Variants in ADAMTSL1 observed in about 807,000 individuals in gnomAD.
ADAMTSL1 encodes the protein ADAMTS like 1.
ADAMTSL1 carries 126 observed loss-of-function variants against 201.8 expected under a neutral mutation model. That is an observed-to-expected ratio of 0.62 (90% confidence interval 0.54 to 0.72). ADAMTSL1 has a LOEUF of 0.72. ADAMTSL1 is among the 30% of genes least tolerant of loss of function. The pLI, the probability that ADAMTSL1 is intolerant of heterozygous loss-of-function variation, is 0.00. For missense variants in ADAMTSL1, 2,679 were observed against 2,277.8 expected, an observed-to-expected ratio of 1.18 and a Z score of -3.59; for synonymous variants, 1,121 against 903.4, an observed-to-expected ratio of 1.24 and a Z score of -4.32.
intron 22 of ADAMTSL1, among the ~76,000 whole-genome samples, chr9:18,827,349 G>T (rs1318652820): frequency 6.6e-6 from 1 of 151,812 alleles, no homozygotes; most frequent in East Asian, 1.9e-4. Context: ...CTTCCTCAGG[G>T]AAAAATATTT....
intron 3 of ADAMTSL1, among the ~76,000 whole-genome samples, chr9:18,544,481 C>T (rs1820355813): frequency 6.6e-6 from 1 of 151,706 alleles, no homozygotes; most frequent in South Asian, 2.1e-4. Flanking sequence ...ACTTAAAGGG[C>T]CATAGGAGAT....
intron 2 of ADAMTSL1, among the ~76,000 whole-genome samples, chr9:18,527,644 G>A (rs912323026): frequency 6.6e-6 from 1 of 152,122 alleles, no homozygotes; most frequent in South Asian, 2.1e-4. Context: ...AGAAGTGGAA[G>A]TTTAGATGGT....
intron 15 of ADAMTSL1, among the ~76,000 whole-genome samples, chr9:18,734,368 G>A (rs1818391113): frequency 6.6e-6 from 1 of 152,158 alleles, no homozygotes; most frequent in Non-Finnish European, 1.5e-5. Context: ...ATAGAGGAAA[G>A]GGACTGCCCA....
At chr9:18,625,444 A>C (rs1826304470) in intron 5 of ADAMTSL1, among the ~76,000 whole-genome samples, 1 of 152,116 alleles carries the variant, frequency 6.6e-6, no homozygotes, top group Non-Finnish European at 1.5e-5. Context: ...TTATTAAAAG[A>C]CATTACAATT....
At chr9:18,835,991 G>T (rs549522563) in intron 23 of ADAMTSL1, among the ~76,000 whole-genome samples, 42 of 152,256 alleles carry the variant, frequency 2.8e-4, no homozygotes, top group African/African-American at 9.6e-4. Flanking sequence ...CTTTTTGGTA[G>T]AATGATTTAT....
rs542732211 is a variant in ADAMTSL1, at chr9:18,006,357, CTA to C, written c.87+99437_87+99438del. Among the ~76,000 whole-genome samples, 56 of 151,934 alleles carry C rather than the reference CTA, an allele frequency of 3.7e-4. 1 individual carries two copies. The East Asian group carries it at 0.011, about 29-fold the overall frequency. ...TATAGAATTTAATTTTTAGTAATGA[CTA>C]TGTTAAACAGCTCACTAAGTTCCTG... is the stretch of plus-strand genomic sequence containing the variant. On this transcript the variant is annotated intron_variant, in intron 1 of 29. Transcript: ENST00000680146.
At chr9:18,256,292 G>A (rs1815026965) in intron 2 of ADAMTSL1, among the ~76,000 whole-genome samples, 1 of 152,192 alleles carries the variant, frequency 6.6e-6, no homozygotes. Context: ...AGCATGAGAA[G>A]TTTGACAAAG....
intron 2 of ADAMTSL1, among the ~76,000 whole-genome samples, chr9:18,207,017 T>C (rs893583183): frequency 6.6e-6 from 1 of 151,854 alleles, no homozygotes; most frequent in Non-Finnish European, 1.5e-5. Flanking sequence ...ATACAAAAAT[T>C]AGCTGGGCGT....
chr9:18,111,312 C>T (rs1012104618), intron 1 of ADAMTSL1, among the ~76,000 whole-genome samples: 2 of 152,126 alleles, frequency 1.3e-5, no homozygotes, highest in African/African-American at 4.8e-5. Flanking sequence ...AATAACTTTG[C>T]AGTGGGCAAA....
In ADAMTSL1 at chr9:18,899,589, G is replaced by C. The variant is rs534480372; in HGVS notation, c.4852-6193G>C. On this transcript the variant is annotated intron_variant, in intron 26 of 28. Transcript: ENST00000380548. ...ATAGGAGGGTACCGGTATAAGAACA[G>C]ACATATAGACCAATGAAACCGAATA... is the stretch of plus-strand genomic sequence containing the variant. 2.6e-5 allele frequency among the ~76,000 whole-genome samples: 4 copies of C among 152,274 alleles called. 1 individual carries two copies. The highest frequency in any genetic ancestry group is 9.6e-5 in the African/African-American group (4 of 41,540).
intron 1 of ADAMTSL1, among the ~76,000 whole-genome samples, chr9:18,078,800 G>T (rs1004802820): frequency 6.6e-6 from 1 of 152,054 alleles, no homozygotes. Context: ...TTCCCAGTTG[G>T]TTTGTACAAC....
intron 19 of ADAMTSL1, among the ~76,000 whole-genome samples, chr9:18,784,219 A>G (rs1340813734): frequency 6.6e-6 from 1 of 152,278 alleles, no homozygotes. Context: ...CATCATCCAC[A>G]TAGTACCCTA....
intron 2 of ADAMTSL1, among the ~76,000 whole-genome samples, chr9:18,314,821 G>C (rs971563357): frequency 1.1e-5 from 1 of 93,984 alleles, no homozygotes; most frequent in Non-Finnish European, 2.1e-5. Context: ...TTTTGAGACG[G>C]AGTCTTGCTC....
chr9:18,714,819 C>T lies in ADAMTSL1; in HGVS notation c.1877-6717C>T, dbSNP rs531166083. On this transcript the variant is annotated intron_variant, in intron 14 of 28. Transcript: ENST00000380548. ...AAAAGAGAGAATTTTAGACCAATAT[C>T]CTTGATGAACATTGATGCAAAAATC... 7.0e-3 allele frequency among the ~76,000 whole-genome samples: 1,064 copies of T among 151,826 alleles called. 11 individuals are homozygous for T. The highest frequency in any genetic ancestry group is 0.023 in the African/African-American group (969 of 41,428).
intron 1 of ADAMTSL1, among the ~76,000 whole-genome samples, chr9:17,996,865 C>T (rs1461779109): frequency 6.6e-6 from 1 of 152,118 alleles, no homozygotes. Flanking sequence ...TATTGCATAT[C>T]TTTTTGGTAA....
chr9:18,085,851 G>A (rs1823746103), intron 1 of ADAMTSL1, among the ~76,000 whole-genome samples: 1 of 151,874 alleles, frequency 6.6e-6, no homozygotes, highest in South Asian at 2.1e-4. Flanking sequence ...GCTGTTTGGA[G>A]AAGTGACTAT....
At chr9:18,231,603 A>G (rs1016475530) in intron 2 of ADAMTSL1, among the ~76,000 whole-genome samples, 1 of 152,154 alleles carries the variant, frequency 6.6e-6, no homozygotes, top group Non-Finnish European at 1.5e-5. Context: ...TCTCATGGCT[A>G]TATGTGATCA....
intron 1 of ADAMTSL1, among the ~76,000 whole-genome samples, chr9:18,043,759 C>T (rs779188053): frequency 9.9e-5 from 15 of 151,802 alleles, no homozygotes; most frequent in Non-Finnish European, 2.1e-4. Context: ...AATACTTTTG[C>T]TAATAAAAAA....
intron 26 of ADAMTSL1, among the ~76,000 whole-genome samples, chr9:18,897,857 G>GTTGAA (rs1266030092): frequency 1.3e-5 from 2 of 152,150 alleles, no homozygotes; most frequent in Admixed American, 1.3e-4. Context: ...GGCTGAGATG[G>GTTGAA]TTGAATTGAC....
Sources: allele counts gnomAD v4.1 joint callset (sites outside exome capture counted in the v4.1 genomes callset), GRCh38; gene constraint gnomAD v4.1.1; transcripts MANE v1.5; gene names NCBI Gene and HGNC (gene_info 2026-07-23, HGNC 2026-07-21).